Variants in GPR137B observed in about 807,000 individuals in gnomAD.
The protein encoded by GPR137B is integral membrane protein GPR137B.
In GPR137B, 42 loss-of-function variants were observed where a neutral mutation model predicts 42.5. The observed-to-expected ratio is 0.99, with a 90% CI of 0.77 to 1.28. The LOEUF (loss-of-function observed/expected upper bound fraction) is 1.28, where lower values mean the gene tolerates loss of function less well. Among genes scored for constraint, GPR137B ranks in the 50% most tolerant of loss-of-function variants. The pLI, the probability that GPR137B is intolerant of heterozygous loss-of-function variation, is 0.00. For missense variants in GPR137B, 487 were observed against 493.9 expected, an observed-to-expected ratio of 0.99 and a Z score of 0.13; for synonymous variants, 218 against 209.7, an observed-to-expected ratio of 1.04 and a Z score of -0.34.
chr1:236,173,200 A>G (rs545840747), intron 2 of GPR137B, among the ~76,000 whole-genome samples: 1 of 151,160 alleles, frequency 6.6e-6, no homozygotes, highest in East Asian at 2.0e-4. Flanking sequence ...CTGAGGTGAG[A>G]GACTCGCTTG....
chr1:236,142,621 C>A lies in GPR137B; in HGVS notation c.-2C>A. On this transcript the variant is annotated 5_prime_UTR_variant, in exon 1 of 7. Coordinates refer to ENST00000366592, the MANE Select transcript of GPR137B (RefSeq NM_003272.4). ...CGGGGGCGGCGGCGGCCGTGAGCCC[C>A]GATGAGGCCCGAGCGTCCCCGGCCG... 1 of 1,382,546 alleles carries A rather than the reference C, an allele frequency of 7.2e-7. No individual in the cohort carries two copies. The highest frequency in any genetic ancestry group is 9.3e-7 in the Non-Finnish European group (1 of 1,076,964). The allele number at this position is 1,382,546 out of a possible 1,614,324, so 85.6% of individuals were successfully genotyped here.
chr1:236,185,805 G>A (rs1232399280), intron 5 of GPR137B, among the ~76,000 whole-genome samples: 1 of 152,142 alleles, frequency 6.6e-6, no homozygotes, highest in East Asian at 1.9e-4. Flanking sequence ...CCCATTTCAT[G>A]TGTATAATTG....
rs537874136 is a variant in GPR137B, at chr1:236,160,258, C to T, written c.415-8448C>T. Among the ~76,000 whole-genome samples the T allele has an allele frequency of 1.5e-4, 23 of 152,246 alleles. No homozygotes were observed. In the East Asian group the frequency reaches 2.3e-3, roughly 15 times the overall value. On this transcript the variant is annotated intron_variant, in intron 1 of 6. Coordinates refer to ENST00000366592, the MANE Select transcript of GPR137B (RefSeq NM_003272.4). The stretch of plus-strand genomic sequence containing the variant: ...CAACGGGGGAAGCCCTGAAAAACCC[C>T]GGTGTTTTCATAGGCTGTGTGGAGC...
intron 5 of GPR137B, among the ~76,000 whole-genome samples, chr1:236,196,195 A>G (rs1394874196): frequency 6.6e-6 from 1 of 152,154 alleles, no homozygotes; most frequent in Admixed American, 6.5e-5. Context: ...GCTGGAGTAC[A>G]GTAGCATGAT....
chr1:236,197,109 G>A (rs1352727421), intron 5 of GPR137B, among the ~76,000 whole-genome samples: 1 of 152,100 alleles, frequency 6.6e-6, no homozygotes, highest in Non-Finnish European at 1.5e-5. Flanking sequence ...TCTCATTGTG[G>A]TTTTGGTTTG....
chr1:236,179,684 TC>T (rs1662808958), intron 3 of GPR137B, among the ~76,000 whole-genome samples, 194 bp from the exon 4 acceptor site: 1 of 152,088 alleles, frequency 6.6e-6, no homozygotes, highest in Non-Finnish European at 1.5e-5. Context: ...CCAAACCAAG[TC>T]CCAGGGTCCA....
chr1:236,145,979 T>A (rs1021583263), intron 1 of GPR137B, among the ~76,000 whole-genome samples: 5 of 152,204 alleles, frequency 3.3e-5, no homozygotes, highest in Admixed American at 6.5e-5. Context: ...TGCCTCAGCC[T>A]CCCGAGTATC....
intron 5 of GPR137B, among the ~76,000 whole-genome samples, chr1:236,194,326 A>T (rs1663280469): frequency 2.6e-5 from 4 of 152,080 alleles, no homozygotes; most frequent in African/African-American, 9.7e-5. Flanking sequence ...GGTCTTTAAT[A>T]CATTTTGAGT....
chr1:236,196,963 C>T lies in GPR137B; in HGVS notation c.967-8163C>T, dbSNP rs1339003593. ...TCTTTTTCATATAATGACTCCTTTACCTCTGGGTAGATACCCAGTAAGTGG... is the reference window on the plus strand; with the variant it reads ...TCTTTTTCATATAATGACTCCTTTATCTCTGGGTAGATACCCAGTAAGTGG... On this transcript the variant is annotated intron_variant, in intron 5 of 6. Coordinates refer to ENST00000366592, the MANE Select transcript of GPR137B (RefSeq NM_003272.4). 2.0e-5 allele frequency among the ~76,000 whole-genome samples: 3 copies of T among 152,164 alleles called. No individual in the cohort carries two copies. The East Asian group carries it at 5.8e-4, about 29-fold the overall frequency.
chr1:236,145,865 C>T (rs1414576479), intron 1 of GPR137B, among the ~76,000 whole-genome samples: 1 of 152,150 alleles, frequency 6.6e-6, no homozygotes, highest in Non-Finnish European at 1.5e-5. Context: ...CTTTTATGTA[C>T]AGTATGTGAA....
intron 1 of GPR137B, among the ~76,000 whole-genome samples, chr1:236,167,744 C>A (rs1188616185): frequency 6.6e-6 from 1 of 152,182 alleles, no homozygotes; most frequent in East Asian, 1.9e-4. Flanking sequence ...CCCAGAGACC[C>A]CCCACTGAGA....
chr1:236,206,504 A>G (rs1217551749), intron 6 of GPR137B, among the ~76,000 whole-genome samples: 2 of 152,214 alleles, frequency 1.3e-5, no homozygotes, highest in East Asian at 3.8e-4. Context: ...AAAATGTGGA[A>G]AGGGCAGTTA....
intron 2 of GPR137B, among the ~76,000 whole-genome samples, chr1:236,170,837 G>A (rs988279145): frequency 1.1e-4 from 17 of 151,896 alleles, no homozygotes; most frequent in African/African-American, 3.9e-4. Flanking sequence ...TTAGCTGTGC[G>A]TGGTTGCAGG....
rs529003227 is a variant in GPR137B at position 236,208,607 on chromosome 1, T to TGA, written c.*450_*451dup. ...CACAAATCTTACCTCTTTAGGTCAC[T>TGA]GATGGTCACTCCGATTCTGAGTGCC... On this transcript the variant is annotated 3_prime_UTR_variant, in exon 7 of 7. Coordinates refer to ENST00000366592, the MANE Select transcript of GPR137B (RefSeq NM_003272.4). 1,129 of 984,612 alleles carry TGA rather than the reference T, an allele frequency of 1.1e-3. 10 individuals are homozygous for TGA. In the African/African-American group the frequency reaches 0.018, roughly 16 times the overall value. 61.0% of individuals were successfully genotyped at this position (984,612 alleles called of 1,614,324 possible).
At chr1:236,193,569 G>C (rs1663256816) in intron 5 of GPR137B, among the ~76,000 whole-genome samples, 1 of 152,116 alleles carries the variant, frequency 6.6e-6, no homozygotes, top group African/African-American at 2.4e-5. Flanking sequence ...ATCATAATGT[G>C]TATTAAATGA....
At chr1:236,173,016 A>G (rs1331123258) in intron 2 of GPR137B, among the ~76,000 whole-genome samples, 3 of 151,482 alleles carry the variant, frequency 2.0e-5, no homozygotes, top group African/African-American at 4.8e-5. Flanking sequence ...TTTAAGTGAA[A>G]AAGCAGCGGC....
At position 236,178,786 on chromosome 1, in the gene GPR137B, T is replaced by G. The variant is rs112545218; in HGVS notation, c.687+150T>G. Reference sequence around the variant, plus strand: ...TCTCCCACACAGGGGCTACTCGAGGTTTTTTTTTTTTTTTTTTTTTTTTTT... The same window carrying G: ...TCTCCCACACAGGGGCTACTCGAGGGTTTTTTTTTTTTTTTTTTTTTTTTT... On this transcript the variant is annotated intron_variant, in intron 3 of 6. Coordinates refer to ENST00000366592, the MANE Select transcript of GPR137B (RefSeq NM_003272.4). 8.1e-4 allele frequency: 157 copies of G among 194,840 alleles called. 3 individuals are homozygous for G. The African/African-American group carries it at 0.015, about 19-fold the overall frequency. The allele number at this position is 194,840 out of a possible 1,614,324, so 12.1% of individuals were successfully genotyped here. A position where few individuals can be genotyped will look rare whatever the true frequency, so the allele number is the denominator to read the frequency against.
At chr1:236,164,057 ACCTCCCCATG>A (rs1391195414) in intron 1 of GPR137B, among the ~76,000 whole-genome samples, 8 of 146,044 alleles carry the variant, frequency 5.5e-5, no homozygotes, top group African/African-American at 2.1e-4. Flanking sequence ...GCCTCTCCAC[ACCTCCCCATG>A]CCTCCCCACA....
chr1:236,175,722 CTGT>C (rs1423786404), intron 2 of GPR137B, among the ~76,000 whole-genome samples: 6 of 152,130 alleles, frequency 3.9e-5, no homozygotes. Context: ...TAATACCTCC[CTGT>C]AAGCCAGGGG....
Sources: gnomAD v4.1 joint callset for allele counts (sites outside exome capture counted in the v4.1 genomes callset) on GRCh38, gnomAD v4.1.1 for gene constraint, MANE v1.5 for transcripts, NCBI Gene and HGNC (gene_info 2026-07-23, HGNC 2026-07-21) for gene names.